The following QPCT variants were observed in gnomAD, a reference collection of about 807,000 sequenced individuals.
The protein encoded by QPCT is glutaminyl-peptide cyclotransferase.
In QPCT, 44 loss-of-function variants were observed where a neutral mutation model predicts 43.4. The observed-to-expected ratio is 1.01, with a 90% CI of 0.80 to 1.30. QPCT has a LOEUF of 1.30. QPCT is among the 50% of genes most tolerant of loss of function. The pLI, the probability that QPCT is intolerant of heterozygous loss-of-function variation, is 0.00. For missense variants in QPCT, 526 were observed against 436.5 expected (o/e 1.21, Z -1.83); for synonymous variants, 168 against 168.4 (o/e 1.00, Z 0.02).
intron 2 of QPCT, among the ~76,000 whole-genome samples, chr2:37,356,444 C>T (rs1030033451): frequency 1.3e-5 from 2 of 152,146 alleles, no homozygotes; most frequent in African/African-American, 2.4e-5. Context: ...GAGGGTCCAG[C>T]CCTTTGCTGC....
intron 5 of QPCT, among the ~76,000 whole-genome samples, chr2:37,370,274 A>C (rs928429670): frequency 6.6e-6 from 1 of 152,138 alleles, no homozygotes; most frequent in African/African-American, 2.4e-5. Flanking sequence ...TGATTAGTTT[A>C]TTATTCTTTT....
chr2:37,369,597 A>C, intron 4 of QPCT, 88 bp from the exon 5 acceptor site: 1 of 946,892 alleles, frequency 1.1e-6, no homozygotes, highest in Non-Finnish European at 1.7e-6. Context: ...ACTGAAATGC[A>C]GTTAATTTTG....
intron 5 of QPCT, among the ~76,000 whole-genome samples, chr2:37,371,834 G>A (rs1673079620): frequency 6.6e-6 from 1 of 152,158 alleles, no homozygotes; most frequent in African/African-American, 2.4e-5. Flanking sequence ...GTTCCTAGGT[G>A]TTGCTGATGT....
chr2:37,360,053 A>G (rs1480380576), intron 3 of QPCT, 195 bp downstream of exon 3: 1 of 603,152 alleles, frequency 1.7e-6, no homozygotes, highest in Non-Finnish European at 2.8e-6. Context: ...GATACGTGAC[A>G]ATGCATTCAT....
At chr2:37,360,817 T>C (rs1672845284) in intron 3 of QPCT, among the ~76,000 whole-genome samples, 1 of 152,226 alleles carries the variant, frequency 6.6e-6, no homozygotes, top group Non-Finnish European at 1.5e-5. Flanking sequence ...GTCCCATGCT[T>C]TGCCCTGCTT....
rs573692958 is a variant in QPCT, at chr2:37,355,268, G to A, written c.267+2333G>A. On this transcript the variant is annotated intron_variant, in intron 2 of 6. Transcript: ENST00000338415. ...TATCTTCTAAGCTGTGGAAGACAAA[G>A]GAATTCTCATTTTGAAAGTGAGGTA... Among the ~76,000 whole-genome samples the A allele has an allele frequency of 6.6e-5, 10 of 152,262 alleles. No individual in the cohort carries two copies. The East Asian group carries it at 1.5e-3, about 23-fold the overall frequency.
intron 4 of QPCT, 89 bp downstream of exon 4, chr2:37,367,497 C>G: frequency 7.7e-7 from 1 of 1,296,990 alleles, no homozygotes; most frequent in South Asian, 1.4e-5. Context: ...CCTAAAAATG[C>G]CACAGCATCC....
At chr2:37,350,969 G>A (rs1442550736) in intron 1 of QPCT, among the ~76,000 whole-genome samples, 1 of 152,204 alleles carries the variant, frequency 6.6e-6, no homozygotes, top group Non-Finnish European at 1.5e-5. Context: ...AGTAGGTGGT[G>A]GGGTGCTGAG....
chr2:37,363,789 T>A (rs1300954882), intron 3 of QPCT, among the ~76,000 whole-genome samples: 1 of 151,826 alleles, frequency 6.6e-6, no homozygotes, highest in Non-Finnish European at 1.5e-5. Context: ...AGAGGAGACA[T>A]TATATCTATG....
intron 2 of QPCT, among the ~76,000 whole-genome samples, chr2:37,358,296 G>T (rs1375495215): frequency 1.3e-5 from 2 of 152,090 alleles, no homozygotes; most frequent in Admixed American, 1.3e-4. Flanking sequence ...AGTTAGTCAG[G>T]CATGGTGGCA....
chr2:37,346,258 GAAGTCTGT>G (rs1204928943), intron 1 of QPCT, among the ~76,000 whole-genome samples: 1 of 152,194 alleles, frequency 6.6e-6, no homozygotes, highest in East Asian at 1.9e-4. Flanking sequence ...GGTAGTGAGG[GAAGTCTGT>G]AACATAAGAA....
intron 3 of QPCT, among the ~76,000 whole-genome samples, chr2:37,363,659 T>TAAAAAAA (rs58100358): frequency 8.9e-5 from 7 of 79,068 alleles, no homozygotes; most frequent in Non-Finnish European, 1.5e-4. Context: ...TTTTAAAATG[T>TAAAAAAA]AAAAAAAAAA....
intron 1 of QPCT, among the ~76,000 whole-genome samples, chr2:37,349,197 C>T (rs1276012852): frequency 2.0e-5 from 3 of 152,080 alleles, no homozygotes; most frequent in African/African-American, 7.2e-5. Context: ...CATCTTTGCC[C>T]CCAGAGGGGC....
At chr2:37,367,987 T>C (rs904540780) in intron 4 of QPCT, among the ~76,000 whole-genome samples, 1 of 152,128 alleles carries the variant, frequency 6.6e-6, no homozygotes, top group Admixed American at 6.5e-5. Context: ...TTGGGCCCAA[T>C]GGGAGCACAT....
rs373603214 is a variant in QPCT at position 37,367,334 on chromosome 2, C to T, written c.649C>T (p.Arg217Ter). Residue 217 changes from arginine (R) to a stop codon, truncating the protein, a stop_gained, in exon 4 of 7, where the codon CGA becomes TGA. Transcript: ENST00000338415. LOFTEE classifies it high-confidence loss of function. ...TCCTCAAGATTCTCTCTATGGGTCT[C>T]GACACTTAGCTGCAAAGATGGCATC... ...WSPQDSLYGS[R>*]HLAAKMASTP... is the part of the protein sequence containing the mutation. 1.1e-4 allele frequency: 172 copies of T among 1,613,864 alleles called. No homozygotes were observed. The highest frequency in any genetic ancestry group is 1.6e-4 in the Middle Eastern group (1 of 6,082).
intron 1 of QPCT, among the ~76,000 whole-genome samples, chr2:37,346,792 G>A (rs963983888): frequency 9.9e-5 from 15 of 151,974 alleles, no homozygotes; most frequent in Non-Finnish European, 1.8e-4. Flanking sequence ...GTGATGAATC[G>A]GTCCACACTA....
Position 37,344,643 on chromosome 2 carries a change from G to C in QPCT, c.-89G>C. On this transcript the variant is annotated 5_prime_UTR_variant, in exon 1 of 7. Transcript: ENST00000338415. ...GAAGGCGGGCGCAGTCGACCCAAGG[G>C]TGGAGAAGAGGGAAGGCGAAGGACG... The C allele has an allele frequency of 2.0e-6, 3 of 1,508,202 alleles. No homozygotes were observed. The highest frequency in any genetic ancestry group is 2.7e-6 in the Non-Finnish European group (3 of 1,128,634). 93.4% of individuals were successfully genotyped at this position (1,508,202 alleles called of 1,614,324 possible).
rs556371290 is a variant in QPCT at position 37,345,962 on chromosome 2, T to C, written c.120+1111T>C. 2.6e-5 allele frequency among the ~76,000 whole-genome samples: 4 copies of C among 152,338 alleles called. No individual in the cohort carries two copies. The South Asian group carries it at 8.3e-4, about 32-fold the overall frequency. On this transcript the variant is annotated intron_variant, in intron 1 of 6. Coordinates refer to ENST00000338415, the MANE Select transcript of QPCT (RefSeq NM_012413.4). Reference sequence around the variant, plus strand: ...AGGGATTGTGCAAATATTAATGATGTCAGCATAAAATAGTATGTTATAGAG... The same window carrying C: ...AGGGATTGTGCAAATATTAATGATGCCAGCATAAAATAGTATGTTATAGAG...
Position 37,373,019 on chromosome 2 carries a change from C to G in QPCT, c.*192C>G, listed in dbSNP as rs1437642619. 1 of 433,422 alleles carries G rather than the reference C, an allele frequency of 2.3e-6. No homozygotes were observed. The highest frequency in any genetic ancestry group is 2.0e-5 in the African/African-American group (1 of 48,834). The allele number at this position is 433,422 out of a possible 1,614,324, so 26.8% of individuals were successfully genotyped here. The stretch of plus-strand genomic sequence containing the variant: ...TTGTGATATTGTGTCCTAAATTGCT[C>G]ATTAATTTTTATTTACAGATTGAAA... On this transcript the variant is annotated 3_prime_UTR_variant, in exon 7 of 7. Transcript: ENST00000338415.
Sources: allele counts gnomAD v4.1 joint callset (sites outside exome capture counted in the v4.1 genomes callset), GRCh38; gene constraint gnomAD v4.1.1; transcripts MANE v1.5; gene names NCBI Gene and HGNC (gene_info 2026-07-23, HGNC 2026-07-21).